The following TSHZ2 variants were observed in gnomAD, a reference collection of about 807,000 sequenced individuals.
TSHZ2 encodes the protein teashirt zinc finger homeobox 2, also known as teashirt homolog 2.
A neutral mutation model predicts 74.4 loss-of-function variants in TSHZ2; 21 were observed. The ratio of observed to expected loss-of-function variants is 0.28; its 90% CI spans 0.20 to 0.41. The LOEUF (loss-of-function observed/expected upper bound fraction) is 0.41. TSHZ2 is among the 10% of genes least tolerant of loss of function. The probability of loss-of-function intolerance (pLI) is 1.00; values close to 1 mark genes in which losing one functional copy is unlikely to be tolerated. For synonymous variants in TSHZ2, 540 were observed against 515.3 expected (o/e 1.05, Z -0.65); for missense variants, 1,244 against 1,293.5 (o/e 0.96, Z 0.59).
intron 2 of TSHZ2, among the ~76,000 whole-genome samples, chr20:53,426,453 CTCT>C (rs1009439605): frequency 9.9e-5 from 15 of 152,010 alleles, no homozygotes; most frequent in South Asian, 2.1e-4. Flanking sequence ...TTTCTTCTTC[CTCT>C]TCTTCTTTTT....
chr20:53,314,031 G>A (rs142545262), intron 2 of TSHZ2, among the ~76,000 whole-genome samples: 88 of 152,122 alleles, frequency 5.8e-4, no homozygotes, highest in African/African-American at 2.0e-3. Context: ...TGCTGGCCAG[G>A]CACGGAGGCA....
chr20:53,338,051 T>C (rs138334412), intron 2 of TSHZ2, among the ~76,000 whole-genome samples: 2 of 152,262 alleles, frequency 1.3e-5, no homozygotes, highest in Non-Finnish European at 2.9e-5. Context: ...CTCCATCTCC[T>C]CACCTGCAGA....
chr20:53,023,263 C>G (rs1273782240), intron 1 of TSHZ2, among the ~76,000 whole-genome samples: 2 of 152,148 alleles, frequency 1.3e-5, no homozygotes, highest in African/African-American at 4.8e-5. Flanking sequence ...GTGTTCATGG[C>G]CTTTCAAGGC....
At position 53,490,904 on chromosome 20, in the gene TSHZ2, C is replaced by G. The variant is rs1487205047; in HGVS notation, c.*3769C>G. ...TGTGGCAGTAAGAGTCTATGATGTT[C>G]TGAAACTTTTCACAGTAAATCCAAA... On this transcript the variant is annotated 3_prime_UTR_variant, in exon 3 of 3. Coordinates refer to ENST00000371497, the MANE Select transcript of TSHZ2 (RefSeq NM_173485.6). 6.6e-6 allele frequency: 1 copy of G among 152,124 alleles called. No individual in the cohort carries two copies. Among genetic ancestry groups the G allele is most frequent in the African/African-American group, 2.4e-5 (1 of 41,420 alleles). 9.4% of individuals were successfully genotyped at this position (152,124 alleles called of 1,614,324 possible).
At chr20:53,061,912 T>A (rs1235800019) in intron 1 of TSHZ2, among the ~76,000 whole-genome samples, 1 of 152,176 alleles carries the variant, frequency 6.6e-6, no homozygotes, top group Non-Finnish European at 1.5e-5. Flanking sequence ...TTCCCAAGCT[T>A]TTCTGATATC....
chr20:53,398,128 A>AT (rs1439508104), intron 2 of TSHZ2: 1 of 152,202 alleles, frequency 6.6e-6, no homozygotes, highest in Non-Finnish European at 1.5e-5. Context: ...TTAAAGTATA[A>AT]TAAAAAAATG....
intron 1 of TSHZ2, among the ~76,000 whole-genome samples, chr20:53,008,796 C>T (rs192402844): frequency 1.3e-5 from 2 of 152,140 alleles, no homozygotes; most frequent in Admixed American, 6.5e-5. Context: ...ATTCCAAGAC[C>T]TCCAGTAGAT....
At chr20:53,040,438 T>TG (rs1426473726) in intron 1 of TSHZ2, among the ~76,000 whole-genome samples, 2 of 152,052 alleles carry the variant, frequency 1.3e-5, no homozygotes, top group Non-Finnish European at 2.9e-5. Context: ...TCAAATGCAA[T>TG]GGGAGCCATG....
rs550011597 is a variant in TSHZ2 at position 53,052,848 on chromosome 20, T to C, written c.40+79515T>C. 1.8e-3 allele frequency among the ~76,000 whole-genome samples: 280 copies of C among 152,348 alleles called. 2 individuals are homozygous for C. Among genetic ancestry groups the C allele is most frequent in the African/African-American group, 6.3e-3 (263 of 41,588 alleles). On this transcript the variant is annotated intron_variant, in intron 1 of 2. Coordinates refer to ENST00000371497, the MANE Select transcript of TSHZ2 (RefSeq NM_173485.6). ...ATACCCAAAAGTGGGATTATGCCTG[T>C]TAGATTGCATTTCTTAAGACAGCTC...
In TSHZ2 at chr20:53,437,064, A is replaced by G. The variant is rs148562785; in HGVS notation, c.*9-50080A>G. 3.0e-4 allele frequency among the ~76,000 whole-genome samples: 45 copies of G among 152,330 alleles called. 1 individual carries two copies. In the East Asian group the frequency reaches 8.1e-3, roughly 27 times the overall value. Reference sequence around the variant, plus strand: ...TTTCTTTTCTAACCTAGAAAAGAGTATGCCCTCCTCTGGGCACCTCCAGAA... The same window carrying G: ...TTTCTTTTCTAACCTAGAAAAGAGTGTGCCCTCCTCTGGGCACCTCCAGAA... On this transcript the variant is annotated intron_variant, in intron 2 of 2. Coordinates refer to ENST00000371497, the MANE Select transcript of TSHZ2 (RefSeq NM_173485.6).
At chr20:53,467,604 G>A (rs1455605474) in intron 2 of TSHZ2, among the ~76,000 whole-genome samples, 1 of 152,202 alleles carries the variant, frequency 6.6e-6, no homozygotes, top group Non-Finnish European at 1.5e-5. Context: ...CTGAGATTAA[G>A]AAAAGGTAAG....
intron 2 of TSHZ2, among the ~76,000 whole-genome samples, chr20:53,282,773 G>A (rs940124520): frequency 1.8e-4 from 28 of 152,198 alleles, no homozygotes; most frequent in African/African-American, 6.3e-4. Flanking sequence ...GTCATGCAGT[G>A]CTCTTTGTAT....
intron 1 of TSHZ2, among the ~76,000 whole-genome samples, chr20:53,096,918 A>C (rs1986067982): frequency 6.7e-6 from 1 of 150,288 alleles, no homozygotes; most frequent in Non-Finnish European, 1.5e-5. Context: ...AAAAAAACAA[A>C]AAACAAAACA....
intron 1 of TSHZ2, among the ~76,000 whole-genome samples, chr20:53,050,039 C>T (rs1429105928): frequency 6.8e-6 from 1 of 147,492 alleles, no homozygotes; most frequent in East Asian, 2.0e-4. Context: ...TGAGATTGTG[C>T]CACTGCACTC....
Position 52,972,762 on chromosome 20 carries a change from G to GTGC in TSHZ2, c.-532_-531insTGC, listed in dbSNP as rs1981165562. ...GGAGGAGGAGGTGGAGGAGGAGGAGGAGGAGGGAAAGAGGAGAAGGAAGAA... is the reference window on the plus strand; with the variant it reads ...GGAGGAGGAGGTGGAGGAGGAGGAGGTGCAGGAGGGAAAGAGGAGAAGGAAGAA... On this transcript the variant is annotated 5_prime_UTR_variant, in exon 1 of 3. Transcript: ENST00000371497. The GTGC allele has an allele frequency of 6.0e-6, 1 of 166,732 alleles. No individual in the cohort carries two copies. The allele number at this position is 166,732 out of a possible 1,614,324, so 10.3% of individuals were successfully genotyped here. A position where few individuals can be genotyped will look rare whatever the true frequency, so the allele number is the denominator to read the frequency against.
chr20:53,349,321 A>C (rs1277097361), intron 2 of TSHZ2, among the ~76,000 whole-genome samples: 1 of 152,226 alleles, frequency 6.6e-6, no homozygotes, highest in African/African-American at 2.4e-5. Flanking sequence ...TTTAGGTATA[A>C]GCTCTTCTTA....
At chr20:53,340,964 T>G (rs1476693446) in intron 2 of TSHZ2, among the ~76,000 whole-genome samples, 1 of 152,224 alleles carries the variant, frequency 6.6e-6, no homozygotes, top group Non-Finnish European at 1.5e-5. Context: ...GCTGGCTTGT[T>G]GGTGGCTGTG....
chr20:53,050,130 T>TATATATATATATATATATATAC (rs1555819319), intron 1 of TSHZ2, among the ~76,000 whole-genome samples: 4 of 88,342 alleles, frequency 4.5e-5, no homozygotes, highest in African/African-American at 1.4e-4. Context: ...TATATACACA[T>TATATATATATATATATATATAC]ATATATATGT....
chr20:53,052,964 C>T (rs1984523923), intron 1 of TSHZ2, among the ~76,000 whole-genome samples: 2 of 152,150 alleles, frequency 1.3e-5, no homozygotes, highest in South Asian at 2.1e-4. Context: ...GTGCAACCGT[C>T]GTCGCGGTAT....
Sources: allele counts gnomAD v4.1 joint callset (sites outside exome capture counted in the v4.1 genomes callset), GRCh38; gene constraint gnomAD v4.1.1; transcripts MANE v1.5; gene names NCBI Gene and HGNC (gene_info 2026-07-23, HGNC 2026-07-21).